Variants in HOMER2 observed in about 807,000 individuals in gnomAD.
HOMER2 encodes homer protein homolog 2.
Under a neutral mutation model 47.0 loss-of-function variants are expected in HOMER2, and 27 were observed. The observed-to-expected ratio is 0.57, with a 90% CI of 0.42 to 0.79. HOMER2 has a LOEUF of 0.79. Among genes scored for constraint, HOMER2 ranks in the 30% least tolerant of loss-of-function variants. HOMER2 has a pLI of 0.00. For synonymous variants in HOMER2, 161 were observed against 163.8 expected (o/e 0.98, Z 0.13); for missense variants, 443 against 435.0 (o/e 1.02, Z -0.16).
At position 82,928,940 on chromosome 15, in the gene HOMER2, T is replaced by TAAAAA; in HGVS notation, c.5+23586_5+23590dup. On this transcript the variant is annotated intron_variant, in intron 1 of 8. Coordinates refer to ENST00000450735, the MANE Select transcript of HOMER2 (RefSeq NM_004839.4). The stretch of plus-strand genomic sequence containing the variant: ...TAACAACTGGCAAAAAAATAAAAAC[T>TAAAAA]AAAAAAAAAAAAAAAAAAAAGCTGT... Among the ~76,000 whole-genome samples, 9 of 39,916 alleles carry TAAAAA rather than the reference T, an allele frequency of 2.3e-4. 1 individual carries two copies. The highest frequency in any genetic ancestry group is 3.9e-4 in the Admixed American group (1 of 2,570). The allele number at this position is 39,916 out of a possible 152,430, so 26.2% of individuals were successfully genotyped here.
chr15:82,893,948 A>G (rs1365941796), intron 1 of HOMER2, among the ~76,000 whole-genome samples: 1 of 152,208 alleles, frequency 6.6e-6, no homozygotes, highest in Non-Finnish European at 1.5e-5. Flanking sequence ...GCACCTGGTA[A>G]TATGATAGAA....
rs114998232 is a variant in HOMER2 at position 82,924,833 on chromosome 15, T to G, written c.5+27698A>C. ...AGGAAAACAGAAAGGAAAAAAAGAT[T>G]AAGTAACTTGTCCAAAGCCACACAT... is the stretch of plus-strand genomic sequence containing the variant. On this transcript the variant is annotated intron_variant, in intron 1 of 8. Transcript: ENST00000450735. 2.3e-3 allele frequency among the ~76,000 whole-genome samples: 357 copies of G among 152,336 alleles called. 4 individuals are homozygous for G. Among genetic ancestry groups the G allele is most frequent in the African/African-American group, 8.2e-3 (342 of 41,574 alleles).
intron 2 of HOMER2, among the ~76,000 whole-genome samples, chr15:82,889,914 T>A (rs2052654760): frequency 1.3e-5 from 2 of 152,158 alleles, no homozygotes; most frequent in South Asian, 4.1e-4. Context: ...AATCCCTGAA[T>A]GCCAACTGTA....
chr15:82,949,575 T>A (rs1355359767), intron 1 of HOMER2, among the ~76,000 whole-genome samples: 2 of 151,562 alleles, frequency 1.3e-5, no homozygotes, highest in African/African-American at 4.9e-5. Flanking sequence ...GTATGGAGAG[T>A]GAACAAATGG....
chr15:82,870,887 G>T (rs1461784031), intron 3 of HOMER2, among the ~76,000 whole-genome samples: 1 of 152,234 alleles, frequency 6.6e-6, no homozygotes, highest in Non-Finnish European at 1.5e-5. Context: ...ATTAAGGGCA[G>T]AATATGTTTC....
At chr15:82,902,076 C>T (rs534496207) in intron 1 of HOMER2, among the ~76,000 whole-genome samples, 7 of 152,122 alleles carry the variant, frequency 4.6e-5, no homozygotes, top group Admixed American at 2.6e-4. Context: ...GTATGGTTAA[C>T]ATTTATACTA....
At chr15:82,974,385 C>T (rs1409500897) in intron 1 of HOMER2, among the ~76,000 whole-genome samples, 1 of 147,406 alleles carries the variant, frequency 6.8e-6, no homozygotes, top group Non-Finnish European at 1.5e-5. Context: ...GCCTGGGCAA[C>T]AAGAGCAAAA....
intron 1 of HOMER2, among the ~76,000 whole-genome samples, chr15:82,944,127 T>G (rs1159396745): frequency 2.6e-5 from 4 of 152,212 alleles, no homozygotes; most frequent in Non-Finnish European, 5.9e-5. Flanking sequence ...ACAAGCTAAT[T>G]TGAAATATAA....
intron 2 of HOMER2, among the ~76,000 whole-genome samples, chr15:82,876,565 G>C (rs1267633200): frequency 6.6e-6 from 1 of 152,174 alleles, no homozygotes; most frequent in African/African-American, 2.4e-5. Flanking sequence ...TGGAAATAAA[G>C]GATTACTGGG....
chr15:82,949,338 C>A (rs940051345), intron 1 of HOMER2, among the ~76,000 whole-genome samples: 4 of 152,124 alleles, frequency 2.6e-5, no homozygotes, highest in Non-Finnish European at 4.4e-5. Flanking sequence ...GAAAAGGAAC[C>A]AGGACCAGTC....
chr15:82,839,988 C>A (rs1363704762), exon 2 of HOMER2: 1 of 152,024 alleles, frequency 6.6e-6, no homozygotes, highest in Non-Finnish European at 1.5e-5. Context: ...TGCTAAAAAA[C>A]AACAACAAAA....
At chr15:82,900,940 T>C (rs1224863489) in intron 1 of HOMER2, among the ~76,000 whole-genome samples, 1 of 152,160 alleles carries the variant, frequency 6.6e-6, no homozygotes, top group Admixed American at 6.5e-5. Flanking sequence ...GGAATTCCCT[T>C]TTTGGGTCAC....
chr15:82,877,029 T>G (rs1329061169), intron 2 of HOMER2, among the ~76,000 whole-genome samples: 1 of 152,246 alleles, frequency 6.6e-6, no homozygotes, highest in African/African-American at 2.4e-5. Context: ...TTTAGAATAC[T>G]AACAACAGCA....
chr15:82,965,140 T>C (rs919528781), intron 1 of HOMER2, among the ~76,000 whole-genome samples: 1 of 152,084 alleles, frequency 6.6e-6, no homozygotes, highest in African/African-American at 2.4e-5. Context: ...CTGCCTCAGC[T>C]TCTCTATTAG....
At chr15:82,963,455 T>G (rs1363266850) in intron 1 of HOMER2, among the ~76,000 whole-genome samples, 1 of 152,020 alleles carries the variant, frequency 6.6e-6, no homozygotes, top group Non-Finnish European at 1.5e-5. Context: ...AATTAGCTGA[T>G]AGGAAACAAA....
chr15:82,878,739 C>T (rs1478085805), intron 2 of HOMER2, among the ~76,000 whole-genome samples: 2 of 152,130 alleles, frequency 1.3e-5, no homozygotes, highest in African/African-American at 2.4e-5. Context: ...GTGATCCTCC[C>T]GTCTCAGCCT....
At chr15:82,847,334 T>G (rs1275109789), downstream of HOMER2, 1 of 152,272 alleles carries the variant, frequency 6.6e-6, no homozygotes, top group Non-Finnish European at 1.5e-5. Flanking sequence ...TTGTAAAAGC[T>G]GTTGTGCTTT....
chr15:82,860,036 C>T (rs1338117543), intron 4 of HOMER2, among the ~76,000 whole-genome samples: 18 of 151,864 alleles, frequency 1.2e-4, no homozygotes, highest in African/African-American at 4.3e-4. Context: ...TCACCTGAGG[C>T]CAGGAGTTTG....
intron 5 of HOMER2, among the ~76,000 whole-genome samples, 178 bp from the exon 6 acceptor site, chr15:82,854,978 C>T (rs1276277640): frequency 6.6e-6 from 1 of 152,130 alleles, no homozygotes; most frequent in Non-Finnish European, 1.5e-5. Flanking sequence ...AGGGACTGGC[C>T]CCTCTCTCTG....
Sources: allele counts gnomAD v4.1 joint callset (sites outside exome capture counted in the v4.1 genomes callset), GRCh38; gene constraint gnomAD v4.1.1; transcripts MANE v1.5; gene names NCBI Gene and HGNC (gene_info 2026-07-23, HGNC 2026-07-21).